HYAL4: variants seen among roughly 807,000 people sequenced by gnomAD.
HYAL4 encodes hyaluronidase 4.
A neutral mutation model predicts 35.2 loss-of-function variants in HYAL4; 37 were observed. That is an observed-to-expected ratio of 1.05 (90% confidence interval 0.81 to 1.38). The LOEUF (loss-of-function observed/expected upper bound fraction) is 1.38, where lower values mean the gene tolerates loss of function less well. Among genes scored for constraint, HYAL4 ranks in the 40% most tolerant of loss-of-function variants. HYAL4 has a pLI of 0.00. For synonymous variants in HYAL4, 198 were observed against 203.2 expected (o/e 0.97, Z 0.22); for missense variants, 572 against 572.4 (o/e 1.00, Z 0.01).
the HYAL4 span, among the ~76,000 whole-genome samples, chr7:123,769,224 G>A: frequency 3.4e-3 from 510 of 152,216 alleles, 6 homozygotes; most frequent in Admixed American, 5.6e-3. Flanking sequence ...AAGACACAAC[G>A]TAAGGCTCTT....
intron 1 of HYAL4, 73 bp downstream of exon 1, chr7:123,845,758 G>A (rs1378912379): frequency 6.6e-6 from 1 of 152,120 alleles, no homozygotes; most frequent in East Asian, 1.9e-4. Flanking sequence ...TTGTTTTTCT[G>A]GTTCCTTCTC....
At chr7:123,813,390 A>G in the HYAL4 span, among the ~76,000 whole-genome samples, 2 of 152,130 alleles carry the variant, frequency 1.3e-5, no homozygotes, top group Non-Finnish European at 2.9e-5. Context: ...AAGGGGCCTA[A>G]AGAGACAAGT....
intron 2 of HYAL4, among the ~76,000 whole-genome samples, chr7:123,858,347 G>A (rs1261024675): frequency 6.6e-6 from 1 of 152,064 alleles, no homozygotes; most frequent in African/African-American, 2.4e-5. Context: ...CAAGTTTAAC[G>A]AAGATTGACA....
the HYAL4 span, among the ~76,000 whole-genome samples, chr7:123,797,722 G>C: frequency 6.6e-6 from 1 of 152,138 alleles, no homozygotes; most frequent in Non-Finnish European, 1.5e-5. Flanking sequence ...GAAGATAATA[G>C]TCTCAGGTTA....
intron 4 of HYAL4, chr7:123,876,033 A>G (rs763631116): frequency 3.3e-5 from 15 of 456,510 alleles, no homozygotes; most frequent in African/African-American, 6.0e-5. Flanking sequence ...CAGGTGTGAT[A>G]TTTCCACCCC....
At chr7:123,817,830 C>A in the HYAL4 span, among the ~76,000 whole-genome samples, 1 of 151,360 alleles carries the variant, frequency 6.6e-6, no homozygotes, top group Non-Finnish European at 1.5e-5. Context: ...AAAAAAAAAT[C>A]AAAGTTGCAA....
the HYAL4 span, among the ~76,000 whole-genome samples, chr7:123,770,116 G>C: frequency 2.0e-5 from 3 of 151,968 alleles, no homozygotes; most frequent in African/African-American, 7.3e-5. Flanking sequence ...TTTCATCATG[G>C]ACAGGAGAAA....
the HYAL4 span, among the ~76,000 whole-genome samples, chr7:123,778,015 A>T: frequency 1.3e-5 from 2 of 152,042 alleles, no homozygotes; most frequent in Non-Finnish European, 2.9e-5. Context: ...TTTTATTTTA[A>T]CTACTTATTT....
the HYAL4 span, among the ~76,000 whole-genome samples, chr7:123,782,127 A>G: frequency 2.0e-5 from 3 of 152,274 alleles, no homozygotes; most frequent in African/African-American, 7.2e-5. Context: ...CTGCCTTTCC[A>G]TAGTTGAAAT....
chr7:123,800,758 A>ACGATTCT, the HYAL4 span, among the ~76,000 whole-genome samples: 2 of 150,912 alleles, frequency 1.3e-5, no homozygotes, highest in African/African-American at 4.9e-5. Context: ...TCGGGTTCAA[A>ACGATTCT]CGATTCTCGT....
chr7:123,877,246 C>A lies in HYAL4; in HGVS notation c.*91C>A. The A allele has an allele frequency of 1.6e-6, 2 of 1,222,872 alleles. No individual in the cohort carries two copies. The highest frequency in any genetic ancestry group is 2.3e-6 in the Non-Finnish European group (2 of 872,878). The allele number at this position is 1,222,872 out of a possible 1,614,324, so 75.8% of individuals were successfully genotyped here. On this transcript the variant is annotated 3_prime_UTR_variant, in exon 5 of 5. Transcript: ENST00000223026. ...TAACATTTTTTTTCTCTTATGAATT[C>A]TATTGAGAGATATTATAAGTAGACA...
intron 2 of HYAL4, among the ~76,000 whole-genome samples, chr7:123,865,994 A>C (rs1056203394): frequency 6.6e-6 from 1 of 152,184 alleles, no homozygotes; most frequent in African/African-American, 2.4e-5. Flanking sequence ...ATCAGATGGC[A>C]TGAGACTTAT....
intron 2 of HYAL4, among the ~76,000 whole-genome samples, chr7:123,857,839 A>G (rs1210172830): frequency 6.6e-6 from 1 of 152,050 alleles, no homozygotes; most frequent in Non-Finnish European, 1.5e-5. Context: ...AACATCAAGA[A>G]CATCATCATT....
chr7:123,801,668 A>G, the HYAL4 span, among the ~76,000 whole-genome samples: 3 of 152,168 alleles, frequency 2.0e-5, no homozygotes, highest in African/African-American at 7.2e-5. Context: ...TGATTTTATA[A>G]TCTTTTTTCA....
the HYAL4 span, among the ~76,000 whole-genome samples, chr7:123,808,124 C>T: frequency 6.6e-6 from 1 of 151,716 alleles, no homozygotes; most frequent in South Asian, 2.1e-4. Context: ...AAAAGAAAAT[C>T]TCATCTTTGC....
chr7:123,780,325 C>A, the HYAL4 span, among the ~76,000 whole-genome samples: 1 of 152,172 alleles, frequency 6.6e-6, no homozygotes, highest in Admixed American at 6.5e-5. Flanking sequence ...CAGCTAAGTG[C>A]TTTGCCTAAG....
chr7:123,833,507 G>C (rs2116908154), intron 1 of HYAL4, among the ~76,000 whole-genome samples: 1 of 152,190 alleles, frequency 6.6e-6, no homozygotes, highest in African/African-American at 2.4e-5. Context: ...AGATTTTTAA[G>C]ATTTTCTCCC....
chr7:123,799,641 T>A, the HYAL4 span, among the ~76,000 whole-genome samples: 1 of 151,436 alleles, frequency 6.6e-6, no homozygotes, highest in Non-Finnish European at 1.5e-5. Flanking sequence ...ATACAAAAAA[T>A]ATATATAAAT....
At position 123,870,211 on chromosome 7, in the gene HYAL4, G is replaced by A. The variant is rs192067256; in HGVS notation, c.954+984G>A. 1.3e-4 allele frequency among the ~76,000 whole-genome samples: 20 copies of A among 152,276 alleles called. No individual in the cohort carries two copies. The East Asian group carries it at 3.7e-3, about 28-fold the overall frequency. On this transcript the variant is annotated intron_variant, in intron 3 of 4. Coordinates refer to ENST00000223026, the MANE Select transcript of HYAL4 (RefSeq NM_012269.3). ...TCTGAGTTCTAGGCATCCTAAGGAG[G>A]AGGCATAGAAAACACCCAGGTGAGG... is the stretch of plus-strand genomic sequence containing the variant.
Sources: gnomAD v4.1 joint callset for allele counts (sites outside exome capture counted in the v4.1 genomes callset) on GRCh38, gnomAD v4.1.1 for gene constraint, MANE v1.5 for transcripts, NCBI Gene and HGNC (gene_info 2026-07-23, HGNC 2026-07-21) for gene names.